The following ZNF25 variants were observed in gnomAD, a reference collection of about 807,000 sequenced individuals.
ZNF25 encodes the protein zinc finger protein 25 (KOX 19).
Under a neutral mutation model 30.9 loss-of-function variants are expected in ZNF25, and 21 were observed. That is an observed-to-expected ratio of 0.68 (90% CI 0.48 to 0.98). The LOEUF (loss-of-function observed/expected upper bound fraction) is 0.98. ZNF25 is among the 50% of genes least tolerant of loss of function. ZNF25 has a pLI of 0.00. For missense variants in ZNF25, 501 were observed against 529.9 expected (o/e 0.95, Z 0.54); for synonymous variants, 169 against 181.3 (o/e 0.93, Z 0.55).
At chr10:37,963,796 G>A (rs902377609) in intron 2 of ZNF25, among the ~76,000 whole-genome samples, 13 of 152,212 alleles carry the variant, frequency 8.5e-5, no homozygotes, top group East Asian at 1.9e-4. Context: ...CCAACATGGC[G>A]AAACCCTGTC....
Position 37,971,816 on chromosome 10 carries a change from A to C in ZNF25, c.-85-9T>G. 2 of 1,554,704 alleles carry C rather than the reference A, an allele frequency of 1.3e-6. No homozygotes were observed. Among genetic ancestry groups the C allele is most frequent in the East Asian group, 2.2e-5 (1 of 44,626 alleles). On this transcript the variant is annotated splice_polypyrimidine_tract_variant and intron_variant, in intron 1 of 5. Transcript: ENST00000302609. ...GCAGCCCCAGGAATCACCTGTGAGA[A>C]ATTTCCATACAACATTTTAGTAAAA...
chr10:37,956,818 GGGA>G (rs1471712352), intron 4 of ZNF25, among the ~76,000 whole-genome samples, 199 bp downstream of exon 4: 3 of 151,886 alleles, frequency 2.0e-5, no homozygotes, highest in Non-Finnish European at 2.9e-5. Context: ...GGGAGGCTGA[GGGA>G]GGAGAATTGC....
At chr10:37,954,105 G>A (rs1167115660) in intron 4 of ZNF25, among the ~76,000 whole-genome samples, 2 of 152,200 alleles carry the variant, frequency 1.3e-5, no homozygotes, top group Non-Finnish European at 2.9e-5. Flanking sequence ...AATACTGTGA[G>A]CCCCTTAAGG....
At chr10:37,964,474 G>T (rs936088970) in intron 2 of ZNF25, among the ~76,000 whole-genome samples, 5 of 152,172 alleles carry the variant, frequency 3.3e-5, no homozygotes, top group Non-Finnish European at 2.9e-5. Context: ...AGAAAATGAG[G>T]AATGTATTGG....
Position 37,950,820 on chromosome 10 carries a change from A to G in ZNF25, c.*1307T>C, listed in dbSNP as rs1324803487. 2.0e-5 allele frequency: 3 copies of G among 152,188 alleles called. No individual in the cohort carries two copies. The highest frequency in any genetic ancestry group is 4.4e-5 in the Non-Finnish European group (3 of 68,050). The allele number at this position is 152,188 out of a possible 1,614,324, so 9.4% of individuals were successfully genotyped here. A position where few individuals can be genotyped will look rare whatever the true frequency, so the allele number is the denominator to read the frequency against. On this transcript the variant is annotated 3_prime_UTR_variant, in exon 6 of 6. Coordinates refer to ENST00000302609, the MANE Select transcript of ZNF25 (RefSeq NM_145011.4). ...GCAGGAGCCCAGAGTCCACACCCTT[A>G]ACTATGCCATGTTGCTTCTATGAGG...
At chr10:37,953,411 C>A in intron 5 of ZNF25, 1 of 608,566 alleles carries the variant, frequency 1.6e-6, no homozygotes, top group Non-Finnish European at 2.8e-6. Flanking sequence ...GCATTCTATT[C>A]ACAGGGTCTC....
chr10:37,953,305 A>C, intron 5 of ZNF25, 110 bp from the exon 6 acceptor site: 1 of 966,678 alleles, frequency 1.0e-6, no homozygotes, highest in Non-Finnish European at 1.5e-6. Context: ...ATTTCTAGAG[A>C]TGTTCCCATA....
At chr10:37,965,296 C>T (rs2063120114) in intron 2 of ZNF25, among the ~76,000 whole-genome samples, 1 of 152,092 alleles carries the variant, frequency 6.6e-6, no homozygotes, top group African/African-American at 2.4e-5. Flanking sequence ...TGGGGTACTG[C>T]CTAATGGAGC....
chr10:37,951,259 C>T lies in ZNF25; in HGVS notation c.*868G>A, dbSNP rs537618915. 6.6e-6 allele frequency: 1 copy of T among 152,444 alleles called. No homozygotes were observed. The highest frequency in any genetic ancestry group is 6.5e-5 in the Admixed American group (1 of 15,304). 9.4% of individuals were successfully genotyped at this position (152,444 alleles called of 1,614,324 possible). The stretch of plus-strand genomic sequence containing the variant: ...ACTTAATGTGCAACATCTTCATACA[C>T]ATAATAGTTACTGAACTAAGATTAT... On this transcript the variant is annotated 3_prime_UTR_variant, in exon 6 of 6. Coordinates refer to ENST00000302609, the MANE Select transcript of ZNF25 (RefSeq NM_145011.4).
intron 4 of ZNF25, among the ~76,000 whole-genome samples, chr10:37,956,556 A>G (rs2062535064): frequency 6.6e-6 from 1 of 152,120 alleles, no homozygotes; most frequent in African/African-American, 2.4e-5. Flanking sequence ...GGAGGTGTGA[A>G]TTAGGTTTTT....
In ZNF25 at chr10:37,952,391, G is replaced by T; in HGVS notation, c.1107C>A (p.Pro369=). 1.9e-6 allele frequency: 3 copies of T among 1,614,082 alleles called. No homozygotes were observed. Among genetic ancestry groups the T allele is most frequent in the Non-Finnish European group, 2.5e-6 (3 of 1,179,988 alleles). The change falls in exon 6 of 6, where the codon CCC becomes CCA. Residue 369 remains proline (P), a synonymous_variant. Coordinates refer to ENST00000302609, the MANE Select transcript of ZNF25 (RefSeq NM_145011.4). The stretch of plus-strand genomic sequence containing the variant: ...ATTTGCCACATTCTGTGCATTCATA[G>T]GGCTTCTCCCCTGTGTGTTTTCTCT... The part of the protein sequence containing the change: ...KHQRKHTGEK[P]YECTECGKSF...
rs764234587 is a variant in ZNF25, at chr10:37,952,576, G to C, written c.922C>G (p.His308Asp). The C allele has an allele frequency of 2.5e-5, 40 of 1,613,792 alleles. No individual in the cohort carries two copies. In the East Asian group the frequency reaches 8.5e-4, roughly 34 times the overall value. ...NSHLKTHQRS[H>D]TGEKPYECKE... is the part of the protein sequence containing the mutation. ...CATTCATAGGGTTTCTCTCCTGTGT[G>C]ACTTCTCTGATGAGTTTTGAGGTGT... The change falls in exon 6 of 6, where the codon CAC becomes GAC. Residue 308 changes from histidine to aspartate, a missense_variant. Transcript: ENST00000302609.
chr10:37,963,831 C>T (rs575183684), intron 2 of ZNF25, among the ~76,000 whole-genome samples: 6 of 152,134 alleles, frequency 3.9e-5, no homozygotes, highest in Middle Eastern at 3.4e-3. Flanking sequence ...AAAAATTAGG[C>T]GGGTGTGGTG....
rs1257023580 is a variant in ZNF25, at chr10:37,952,185, T to C, written c.1313A>G (p.Lys438Arg). 6.2e-7 allele frequency: 1 copy of C among 1,610,174 alleles called. No individual in the cohort carries two copies. Among genetic ancestry groups the C allele is most frequent in the South Asian group, 1.1e-5 (1 of 90,488 alleles). ...CTTCTGATGTGCAGTGAGTTGTGAC[T>C]TCTGGATAAAGGTTTCCCCACACTC... ...CQECGETFIQKSQLTAHQKTH... is the reference protein window; with the variant it reads ...CQECGETFIQRSQLTAHQKTH... Residue 438 changes from lysine to arginine, a missense_variant, in exon 6 of 6, where the codon AAG (lysine) becomes AGG (arginine). By Grantham distance (26) the Lys-to-Arg change is conservative. Transcript: ENST00000302609.
At chr10:37,972,581 T>C (rs2063549763) in intron 1 of ZNF25, among the ~76,000 whole-genome samples, 1 of 152,180 alleles carries the variant, frequency 6.6e-6, no homozygotes. Flanking sequence ...CTTGAGAATC[T>C]AATCTGCTGA....
chr10:37,953,423 C>G, intron 5 of ZNF25: 1 of 603,404 alleles, frequency 1.7e-6, no homozygotes, highest in Non-Finnish European at 2.9e-6. Context: ...CAGGGTCTCT[C>G]AATTGCCTGC....
At chr10:37,971,562 G>T in intron 2 of ZNF25, 146 bp downstream of exon 2, 2 of 1,359,582 alleles carry the variant, frequency 1.5e-6, no homozygotes, top group Non-Finnish European at 2.0e-6. Context: ...TATTTTGCCT[G>T]TAGGTGATTT....
At position 37,952,460 on chromosome 10, in the gene ZNF25, T is replaced by C; in HGVS notation, c.1038A>G (p.Lys346=). Residue 346 remains lysine (K), a synonymous_variant, in exon 6 of 6, where the codon AAA becomes AAG. Transcript: ENST00000302609. ...HTGEKPFECN[K]CGKTFYYKSD... is the part of the protein sequence containing the mutation. ...ATTTATAGTAAAATGTTTTCCCACA[T>C]TTATTACATTCAAAGGGTTTCTCCC... The C allele has an allele frequency of 6.2e-7, 1 of 1,613,664 alleles. No homozygotes were observed. Among genetic ancestry groups the C allele is most frequent in the Non-Finnish European group, 8.5e-7 (1 of 1,179,884 alleles).
At chr10:37,961,364 G>C (rs1243883229) in intron 2 of ZNF25, among the ~76,000 whole-genome samples, 2 of 152,048 alleles carry the variant, frequency 1.3e-5, no homozygotes, top group African/African-American at 4.8e-5. Flanking sequence ...GACTACCTAA[G>C]AGGGTAAGGA....
Sources: gnomAD v4.1 joint callset for allele counts (sites outside exome capture counted in the v4.1 genomes callset) on GRCh38, gnomAD v4.1.1 for gene constraint, MANE v1.5 for transcripts, NCBI Gene and HGNC (gene_info 2026-07-23, HGNC 2026-07-21) for gene names.